Variants in KLHL32 observed in about 807,000 individuals in gnomAD.
KLHL32 encodes the protein kelch-like protein 32.
Under a neutral mutation model 64.8 loss-of-function variants are expected in KLHL32, and 35 were observed. The observed-to-expected ratio is 0.54, with a 90% CI of 0.41 to 0.72. The LOEUF is 0.72. Among genes scored for constraint, KLHL32 ranks in the 30% least tolerant of loss-of-function variants. The pLI is 0.00. For missense variants in KLHL32, 589 were observed against 768.5 expected, an observed-to-expected ratio of 0.77 and a Z score of 2.76; for synonymous variants, 259 against 281.0, an observed-to-expected ratio of 0.92 and a Z score of 0.78.
At chr6:97,088,116 A>T (rs890818209) in intron 6 of KLHL32, among the ~76,000 whole-genome samples, 4 of 152,186 alleles carry the variant, frequency 2.6e-5, no homozygotes, top group Admixed American at 2.6e-4. Context: ...CTGTTGGTTA[A>T]TTTCACTCTA....
intron 1 of KLHL32, among the ~76,000 whole-genome samples, chr6:96,952,842 T>C (rs1236042674): frequency 1.3e-5 from 2 of 152,196 alleles, no homozygotes; most frequent in African/African-American, 2.4e-5. Context: ...CTTTGTATTC[T>C]GGTGACCAAT....
rs1489636555 is a variant in KLHL32 at position 97,113,844 on chromosome 6, A to G, written c.689A>G (p.Tyr230Cys). Residue 230 changes from tyrosine to cysteine, a missense_variant, in exon 7 of 11, where the codon TAC (tyrosine) becomes TGC (cysteine). By Grantham distance (194) the Tyr-to-Cys change is radical. Transcript: ENST00000369261. ...HYQYMDELLQ[Y>C]IRFGLMDVDT... is the part of the protein sequence containing the mutation. Reference sequence around the variant, plus strand: ...CAGTACATGGACGAGCTCCTGCAATACATCCGCTTTGGCCTAATGGATGTG... The same window carrying G: ...CAGTACATGGACGAGCTCCTGCAATGCATCCGCTTTGGCCTAATGGATGTG... 1 of 1,614,106 alleles carries G rather than the reference A, an allele frequency of 6.2e-7. No homozygotes were observed. The highest frequency in any genetic ancestry group is 8.5e-7 in the Non-Finnish European group (1 of 1,180,022).
chr6:96,934,929 A>G (rs1770397529), intron 1 of KLHL32, among the ~76,000 whole-genome samples: 1 of 152,198 alleles, frequency 6.6e-6, no homozygotes, highest in South Asian at 2.1e-4. Context: ...CAGAGAGACT[A>G]CAGTTTCAAA....
At chr6:96,953,680 C>G (rs1772910154) in intron 1 of KLHL32, among the ~76,000 whole-genome samples, 1 of 151,848 alleles carries the variant, frequency 6.6e-6, no homozygotes, top group African/African-American at 2.4e-5. Context: ...TAAAATCACG[C>G]CATCATACAT....
At chr6:96,994,399 A>G in intron 3 of KLHL32, 2 of 639,386 alleles carry the variant, frequency 3.1e-6, no homozygotes, top group African/African-American at 4.0e-5. Context: ...GGAAAATAAA[A>G]CTATACAAAT....
chr6:97,117,634 A>G (rs1797934797), intron 7 of KLHL32, among the ~76,000 whole-genome samples: 1 of 152,202 alleles, frequency 6.6e-6, no homozygotes. Flanking sequence ...GTAGCGTTTG[A>G]CATTGTGACC....
At chr6:97,041,092 C>A (rs901793658) in intron 3 of KLHL32, among the ~76,000 whole-genome samples, 2 of 152,102 alleles carry the variant, frequency 1.3e-5, no homozygotes, top group Non-Finnish European at 2.9e-5. Context: ...TGGACTGAGG[C>A]AGAAAAAAGC....
intron 6 of KLHL32, among the ~76,000 whole-genome samples, chr6:97,109,380 A>G (rs749971086): frequency 7.2e-5 from 11 of 152,246 alleles, no homozygotes; most frequent in Non-Finnish European, 1.0e-4. Flanking sequence ...TATCTCAGAA[A>G]ATGCAAACTA....
chr6:97,100,803 T>C (rs1365753096), intron 6 of KLHL32, among the ~76,000 whole-genome samples: 1 of 143,554 alleles, frequency 7.0e-6, no homozygotes, highest in Admixed American at 6.9e-5. Context: ...ATTATTCTTT[T>C]TTTTTTTTTT....
chr6:97,135,607 T>C (rs1278479097), intron 10 of KLHL32, among the ~76,000 whole-genome samples: 1 of 152,190 alleles, frequency 6.6e-6, no homozygotes, highest in Non-Finnish European at 1.5e-5. Context: ...CGATTTGTTA[T>C]TAAGAGCCTT....
At chr6:97,101,904 A>T (rs1276873180) in intron 6 of KLHL32, among the ~76,000 whole-genome samples, 1 of 152,234 alleles carries the variant, frequency 6.6e-6, no homozygotes, top group East Asian at 1.9e-4. Flanking sequence ...TGATGGCTTT[A>T]TCATGAATTT....
At chr6:96,918,099 G>T in the KLHL32 span, among the ~76,000 whole-genome samples, 1 of 152,162 alleles carries the variant, frequency 6.6e-6, no homozygotes, top group African/African-American at 2.4e-5. Context: ...TGGCCTAGAA[G>T]GAAGAAGCTA....
intron 10 of KLHL32, among the ~76,000 whole-genome samples, chr6:97,133,821 T>C (rs1176636914): frequency 1.3e-5 from 2 of 152,208 alleles, no homozygotes; most frequent in East Asian, 1.9e-4. Flanking sequence ...TTAACAAGCT[T>C]GTCTGAATGG....
intron 3 of KLHL32, among the ~76,000 whole-genome samples, chr6:97,008,692 C>T (rs1476575276): frequency 6.6e-6 from 1 of 152,076 alleles, no homozygotes; most frequent in African/African-American, 2.4e-5. Context: ...CATCTCACTC[C>T]TTCCCCAGGA....
chr6:97,111,218 A>T (rs986822056), intron 6 of KLHL32, among the ~76,000 whole-genome samples: 4 of 152,222 alleles, frequency 2.6e-5, no homozygotes, highest in African/African-American at 9.6e-5. Context: ...CACCTGCAGG[A>T]AAGAGAGAGA....
intron 3 of KLHL32, among the ~76,000 whole-genome samples, chr6:97,029,678 T>C (rs1188860977): frequency 6.6e-6 from 1 of 152,224 alleles, no homozygotes; most frequent in Non-Finnish European, 1.5e-5. Context: ...AATAGTCCAA[T>C]TTAACTGTGA....
At chr6:97,054,158 T>A (rs563288367) in intron 4 of KLHL32, among the ~76,000 whole-genome samples, 4 of 152,166 alleles carry the variant, frequency 2.6e-5, no homozygotes, top group Non-Finnish European at 5.9e-5. Flanking sequence ...ATAAATAATT[T>A]GCTAAACAGT....
At position 96,994,709 on chromosome 6, in the gene KLHL32, G is replaced by C. The variant is rs1205054134; in HGVS notation, c.204+18532G>C. On this transcript the variant is annotated intron_variant, in intron 3 of 10. Transcript: ENST00000369261. The stretch of plus-strand genomic sequence containing the variant: ...TCCTGTGATCATCACCATTTTAAAA[G>C]AAAGTGAAAAAACACATTTTTCAGC... The C allele has an allele frequency of 4.6e-6, 4 of 878,480 alleles. No homozygotes were observed. In the African/African-American group the frequency reaches 7.3e-5, roughly 16 times the overall value. 54.4% of individuals were successfully genotyped at this position (878,480 alleles called of 1,614,324 possible).
At chr6:96,977,184 C>T (rs1775799020) in intron 3 of KLHL32, among the ~76,000 whole-genome samples, 1 of 152,136 alleles carries the variant, frequency 6.6e-6, no homozygotes, top group Non-Finnish European at 1.5e-5. Context: ...TCATTTGATC[C>T]TCACAACAAC....
Sources: gnomAD v4.1 joint callset for allele counts (sites outside exome capture counted in the v4.1 genomes callset) on GRCh38, gnomAD v4.1.1 for gene constraint, MANE v1.5 for transcripts, NCBI Gene and HGNC (gene_info 2026-07-23, HGNC 2026-07-21) for gene names.